Variants in RNASE9 observed in about 807,000 individuals in gnomAD.
The protein encoded by RNASE9 is inactive ribonuclease-like protein 9.
For missense variants in RNASE9, 263 were observed against 247.1 expected (o/e 1.06, Z -0.43); for synonymous variants, 95 against 87.6 (o/e 1.08, Z -0.47).
chr14:20,557,319 G>A (rs1409133310), exon 3 of RNASE9: 1 of 430,036 alleles, frequency 2.3e-6, no homozygotes, highest in Non-Finnish European at 4.1e-6. Flanking sequence ...GAAGGAGAAT[G>A]AGAAAGGGAG....
Position 20,557,022 on chromosome 14 carries a change from CA to C in RNASE9, c.47del (p.Leu16CysfsTer62). ...GCACCAGCTGCAGCAGCTGCTGCGG[CA>C]ATAGAAGCAGGGGCAGTGGGTGTGT... On this transcript the variant is annotated frameshift_variant, in exon 3 of 3. Transcript: ENST00000555230. LOFTEE classifies it low-confidence loss of function (END_TRUNC). 1 of 1,613,454 alleles carries C rather than the reference CA, an allele frequency of 6.2e-7. No homozygotes were observed. The highest frequency in any genetic ancestry group is 8.5e-7 in the Non-Finnish European group (1 of 1,179,548).
exon 3 of RNASE9, chr14:20,556,632 T>C (rs1225890266): frequency 6.2e-7 from 1 of 1,613,402 alleles, no homozygotes; most frequent in East Asian, 2.2e-5. Context: ...TTTCAAATGC[T>C]TCTGTTAAAT....
At chr14:20,558,576 G>A (rs1883809160) in exon 3 of RNASE9, 1 of 1,551,142 alleles carries the variant, frequency 6.4e-7, no homozygotes, top group Non-Finnish European at 8.7e-7. Flanking sequence ...CTTCAAAAGA[G>A]TGATCCCATG....
chr14:20,558,761 GT>G (rs1304960398), intron 2 of RNASE9: 21 of 630,748 alleles, frequency 3.3e-5, no homozygotes, highest in Non-Finnish European at 5.9e-5. Flanking sequence ...ATACTCTTTT[GT>G]TTTTTAAATC....
chr14:20,559,694 A>G (rs2138861697), intron 1 of RNASE9, 61 bp from the exon 2 acceptor site: 1 of 152,346 alleles, frequency 6.6e-6, no homozygotes, highest in East Asian at 1.9e-4. Context: ...TTAGCTCACT[A>G]AAGTTGAACA....
In RNASE9 at chr14:20,556,294, C is replaced by A. The variant is rs372583116; in HGVS notation, c.*158G>T. Reference sequence around the variant, plus strand: ...CACATCTCAGAGCACCGTCTGTGAACCTAGCCTAAGGTGCTTTTGTGAGGT... The same window carrying A: ...CACATCTCAGAGCACCGTCTGTGAAACTAGCCTAAGGTGCTTTTGTGAGGT... On this transcript the variant is annotated 3_prime_UTR_variant, in exon 3 of 3. Transcript: ENST00000555230. 1.0e-3 allele frequency: 627 copies of A among 601,360 alleles called. 10 individuals carry two copies. In the South Asian group the frequency reaches 0.013, roughly 12 times the overall value. The allele number at this position is 601,360 out of a possible 1,614,324, so 37.3% of individuals were successfully genotyped here. A position where few individuals can be genotyped will look rare whatever the true frequency, so the allele number is the denominator to read the frequency against.
chr14:20,560,936 G>A (rs1485255075), upstream of RNASE9: 7 of 152,156 alleles, frequency 4.6e-5, no homozygotes, highest in East Asian at 1.9e-4. Flanking sequence ...TAGAGCAGGA[G>A]AAAGAAATCA....
intron 2 of RNASE9, chr14:20,558,736 C>T: frequency 2.7e-6 from 2 of 729,700 alleles, no homozygotes; most frequent in East Asian, 2.7e-5. Flanking sequence ...AGAACATGCA[C>T]AGGGCCTGTC....
intron 2 of RNASE9, chr14:20,558,745 T>C (rs1566553468): frequency 3.0e-6 from 2 of 672,124 alleles, no homozygotes; most frequent in Non-Finnish European, 5.5e-6. Context: ...ACAGGGCCTG[T>C]CCAGAATACT....
At chr14:20,556,774 A>C in exon 3 of RNASE9, 1 of 1,613,826 alleles carries the variant, frequency 6.2e-7, no homozygotes, top group Non-Finnish European at 8.5e-7. Flanking sequence ...ATGTTCTGCC[A>C]CCCAACGGTG....
intron 2 of RNASE9, chr14:20,558,715 T>A: frequency 4.8e-6 from 4 of 831,918 alleles, no homozygotes; most frequent in Non-Finnish European, 8.2e-6. Context: ...CCCTGCCCTT[T>A]CTACTTCCCG....
chr14:20,559,982 G>A (rs1291289473), intron 1 of RNASE9, among the ~76,000 whole-genome samples: 2 of 152,082 alleles, frequency 1.3e-5, no homozygotes, highest in East Asian at 1.9e-4. Flanking sequence ...TGTCTATCTA[G>A]TCTCTCCTCC....
exon 3 of RNASE9, chr14:20,557,220 G>T (rs1883742442): frequency 8.0e-6 from 6 of 749,462 alleles, no homozygotes; most frequent in Non-Finnish European, 1.3e-5. Context: ...ACTCATAATC[G>T]ATCTGAATAC....
At chr14:20,556,106 T>G (rs1190181518) in exon 3 of RNASE9, 1 of 205,690 alleles carries the variant, frequency 4.9e-6, no homozygotes, top group East Asian at 1.1e-4. Context: ...ATTGAAGCAA[T>G]TTTTATTCTT....
At chr14:20,558,282 A>T in exon 3 of RNASE9, 2 of 571,404 alleles carry the variant, frequency 3.5e-6, no homozygotes, top group Non-Finnish European at 6.3e-6. Context: ...GGAGATGGAC[A>T]GCCTCCTGTT....
At chr14:20,558,455 C>T (rs776104791) in exon 3 of RNASE9, 24 of 904,046 alleles carry the variant, frequency 2.7e-5, no homozygotes, top group Middle Eastern at 4.4e-4. Flanking sequence ...CCTAAAATGG[C>T]GATGTGAGAA....
chr14:20,558,757 T>C lies in RNASE9; in HGVS notation c.-1581-107A>G, dbSNP rs139152699. On this transcript the variant is annotated intron_variant, in intron 2 of 2. Coordinates refer to ENST00000555230, the Ensembl canonical transcript of RNASE9. ...TGCACAGGGCCTGTCCAGAATACTC[T>C]TTTGTTTTTTAAATCTGCAACCTTC... 1.6e-3 allele frequency: 1,058 copies of C among 641,380 alleles called. 12 individuals are homozygous for C. In the African/African-American group the frequency reaches 0.017, roughly 10 times the overall value. 39.7% of individuals were successfully genotyped at this position (641,380 alleles called of 1,614,324 possible). A position where few individuals can be genotyped will look rare whatever the true frequency, so the allele number is the denominator to read the frequency against.
rs867470577 is a variant in RNASE9, at chr14:20,556,849, C to T, written c.221G>A (p.Gly74Glu). ...GTACTCTATATGATTTAGTGGCATT[C>T]CAGGTTCAATAAGGACACGTCTTTT... The change falls in exon 3 of 3, where the codon GGA becomes GAA. Residue 74 changes from glycine (G) to glutamate (E), a missense_variant. By Grantham distance (98) the Gly-to-Glu change is moderately conservative. Coordinates refer to ENST00000555230, the Ensembl canonical transcript of RNASE9. 1 of 1,614,174 alleles carries T rather than the reference C, an allele frequency of 6.2e-7. No individual in the cohort carries two copies. The highest frequency in any genetic ancestry group is 8.5e-7 in the Non-Finnish European group (1 of 1,180,006).
At chr14:20,557,268 C>G (rs1883745904) in exon 3 of RNASE9, 2 of 582,840 alleles carry the variant, frequency 3.4e-6, no homozygotes, top group Admixed American at 3.2e-5. Flanking sequence ...ACTAGGCCTA[C>G]AGTCAGTCTA....
Sources: gnomAD v4.1 joint callset for allele counts (sites outside exome capture counted in the v4.1 genomes callset) on GRCh38, gnomAD v4.1.1 for gene constraint, MANE v1.5 for transcripts, NCBI Gene and HGNC (gene_info 2026-07-23, HGNC 2026-07-21) for gene names.